The following GSE1 variants were observed in gnomAD, a reference collection of about 807,000 sequenced individuals.
GSE1 encodes genetic suppressor element 1.
Under a neutral mutation model 112.6 loss-of-function variants are expected in GSE1, and 32 were observed. The observed-to-expected ratio is 0.28, with a 90% confidence interval of 0.21 to 0.38. GSE1 has a LOEUF of 0.38. Ranked by LOEUF, GSE1 falls within the 10% of genes least tolerant of loss-of-function variation. GSE1 has a pLI of 1.00. For synonymous variants in GSE1, 1,115 were observed against 735.6 expected (o/e 1.52, Z -8.35); for missense variants, 2,348 against 1,699.2 (o/e 1.38, Z -6.71).
At chr16:85,572,928 G>A (rs758155092) in intron 1 of GSE1, among the ~76,000 whole-genome samples, 7 of 152,200 alleles carry the variant, frequency 4.6e-5, no homozygotes, top group Non-Finnish European at 7.3e-5. Flanking sequence ...GGAGTGCAGT[G>A]GCGCTGTCTC....
intron 11 of GSE1, 81 bp from the exon 12 acceptor site, chr16:85,664,934 A>G: frequency 1.0e-6 from 1 of 958,278 alleles, no homozygotes; most frequent in Non-Finnish European, 1.7e-6. Context: ...CTGCCCCTCA[A>G]GGCTCGGCTA....
At chr16:85,298,188 T>G (rs2045420352) in intron 1 of GSE1, among the ~76,000 whole-genome samples, 1 of 152,238 alleles carries the variant, frequency 6.6e-6, no homozygotes, top group Non-Finnish European at 1.5e-5. Flanking sequence ...GTATTTCTGA[T>G]GAGCTCCCTG....
At chr16:85,438,592 C>A (rs2049306234) in intron 2 of GSE1, among the ~76,000 whole-genome samples, 1 of 152,190 alleles carries the variant, frequency 6.6e-6, no homozygotes, top group South Asian at 2.1e-4. Flanking sequence ...CTTGCCCATG[C>A]TCTTACAGCT....
chr16:85,460,126 T>A (rs1260015754), intron 2 of GSE1, among the ~76,000 whole-genome samples: 1 of 152,104 alleles, frequency 6.6e-6, no homozygotes, highest in Non-Finnish European at 1.5e-5. Flanking sequence ...CTGGCCCACA[T>A]CCCTTGACCA....
At chr16:85,208,849 G>A (rs2075169060) in intron 1 of GSE1, among the ~76,000 whole-genome samples, 1 of 103,812 alleles carries the variant, frequency 9.6e-6, no homozygotes, top group African/African-American at 3.3e-5. Context: ...GCGTTCGCCT[G>A]TGTTGGGGTT....
intron 3 of GSE1, among the ~76,000 whole-genome samples, chr16:85,650,264 C>T (rs1488772547): frequency 6.6e-6 from 1 of 152,118 alleles, no homozygotes; most frequent in Non-Finnish European, 1.5e-5. Context: ...ACCAGCTCCG[C>T]TGCCTCCAGA....
intron 1 of GSE1, among the ~76,000 whole-genome samples, chr16:85,349,220 C>A (rs538353947): frequency 1.3e-5 from 2 of 152,318 alleles, no homozygotes; most frequent in Non-Finnish European, 2.9e-5. Flanking sequence ...CAATCTCCCC[C>A]TGACCCGAAG....
At chr16:85,629,370 C>T (rs1019392914) in intron 1 of GSE1, among the ~76,000 whole-genome samples, 2 of 152,216 alleles carry the variant, frequency 1.3e-5, no homozygotes, top group Non-Finnish European at 2.9e-5. Context: ...GCATCTGCTC[C>T]CAGACCTTCA....
intron 2 of GSE1, among the ~76,000 whole-genome samples, chr16:85,364,244 G>A (rs1474010900): frequency 1.3e-5 from 2 of 152,154 alleles, no homozygotes; most frequent in Non-Finnish European, 2.9e-5. Flanking sequence ...GCGTCTCTCA[G>A]ACCCTGCTTC....
intron 1 of GSE1, among the ~76,000 whole-genome samples, chr16:85,337,649 G>A (rs996092338): frequency 1.3e-5 from 2 of 151,396 alleles, no homozygotes; most frequent in Admixed American, 1.3e-4. Flanking sequence ...CTGGCGCAGG[G>A]ATGGGCTGGG....
intron 2 of GSE1, among the ~76,000 whole-genome samples, chr16:85,637,131 T>G (rs796578554): frequency 9.2e-5 from 14 of 152,342 alleles, no homozygotes; most frequent in African/African-American, 3.4e-4. Flanking sequence ...CTAGAACATT[T>G]GGGTCACCCC....
chr16:85,209,352 G>A (rs2075182853), intron 1 of GSE1, among the ~76,000 whole-genome samples: 1 of 152,224 alleles, frequency 6.6e-6, no homozygotes, highest in Admixed American at 6.5e-5. Context: ...TCGTGACCTC[G>A]ATGTGCACCT....
At chr16:85,338,217 G>T (rs959261791) in intron 1 of GSE1, among the ~76,000 whole-genome samples, 2 of 152,264 alleles carry the variant, frequency 1.3e-5, no homozygotes, top group African/African-American at 4.8e-5. Context: ...TGCACCGGCA[G>T]ATCTTCCCCC....
intron 1 of GSE1, among the ~76,000 whole-genome samples, chr16:85,321,036 T>C (rs992355247): frequency 2.6e-5 from 4 of 152,176 alleles, no homozygotes; most frequent in Non-Finnish European, 5.9e-5. Context: ...ATCACCCCGA[T>C]CTTATTTAGG....
intron 1 of GSE1, among the ~76,000 whole-genome samples, chr16:85,244,321 G>T (rs187947824): frequency 6.3e-4 from 96 of 152,284 alleles, no homozygotes; most frequent in Non-Finnish European, 1.1e-3. Context: ...GGGGCCGTGA[G>T]CCAAGGGATG....
chr16:85,212,554 G>A lies in GSE1; in HGVS notation c.2283+40747G>A, dbSNP rs185015472. 8.3e-4 allele frequency among the ~76,000 whole-genome samples: 127 copies of A among 152,332 alleles called. 2 individuals carry two copies. The Middle Eastern group carries it at 0.01, about 12-fold the overall frequency. ...CGTGTAAGGACATGGGGAAGACAGC[G>A]TTTTCAGGCTAAGGAGAGAGGCCTC... is the stretch of plus-strand genomic sequence containing the variant. On this transcript the variant is annotated intron_variant, in intron 1 of 2. Transcript: ENST00000637419.
intron 2 of GSE1, among the ~76,000 whole-genome samples, chr16:85,509,622 GA>G (rs1446961173): frequency 6.6e-6 from 1 of 152,244 alleles, no homozygotes; most frequent in Admixed American, 6.5e-5. Context: ...GAAAGGCCAG[GA>G]GGCTCCATCT....
chr16:85,656,703 C>T, intron 7 of GSE1, 38 bp downstream of exon 7: 1 of 1,456,638 alleles, frequency 6.9e-7, no homozygotes, highest in Non-Finnish European at 9.0e-7. Context: ...GGCAAGGTCT[C>T]AGCCACCCGC....
At chr16:85,648,881 C>G in intron 3 of GSE1, 130 bp downstream of exon 3, 1 of 536,994 alleles carries the variant, frequency 1.9e-6, no homozygotes, top group Non-Finnish European at 3.2e-6. Flanking sequence ...CCCTGAGTTT[C>G]CGTCTCCTTC....
Sources: allele counts gnomAD v4.1 joint callset (sites outside exome capture counted in the v4.1 genomes callset), GRCh38; gene constraint gnomAD v4.1.1; transcripts MANE v1.5; gene names NCBI Gene and HGNC (gene_info 2026-07-23, HGNC 2026-07-21).